MSRA: variants seen among roughly 807,000 people sequenced by gnomAD.
MSRA encodes the protein mitochondrial peptide methionine sulfoxide reductase.
In MSRA, 54 loss-of-function variants were observed where a neutral mutation model predicts 31.3. That is an observed-to-expected ratio of 1.73 (90% CI 1.39 to 2.17). MSRA has a LOEUF of 2.17. Ranked by LOEUF, MSRA falls within the 30% of genes most tolerant of loss-of-function variation. The pLI is 0.00. For missense variants in MSRA, 507 were observed against 300.9 expected (o/e 1.69, Z -5.07); for synonymous variants, 169 against 116.5 (o/e 1.45, Z -2.90).
intron 3 of MSRA, among the ~76,000 whole-genome samples, chr8:10,266,019 G>A (rs890485995): frequency 6.6e-6 from 1 of 152,216 alleles, no homozygotes. Flanking sequence ...GTTGTTTTCA[G>A]TTTGGGGCTG....
chr8:10,333,695 C>T (rs1206681655), intron 5 of MSRA, among the ~76,000 whole-genome samples: 1 of 152,078 alleles, frequency 6.6e-6, no homozygotes, highest in African/African-American at 2.4e-5. Flanking sequence ...TTTTCAGCTC[C>T]CCATCCCCCA....
chr8:10,094,601 A>C (rs891070993), intron 1 of MSRA, among the ~76,000 whole-genome samples: 4 of 152,210 alleles, frequency 2.6e-5, no homozygotes, highest in Admixed American at 6.5e-5. Context: ...TGGCAGAATC[A>C]AGGACTAGAA....
At chr8:10,122,713 T>C (rs893158839) in intron 1 of MSRA, among the ~76,000 whole-genome samples, 1 of 152,062 alleles carries the variant, frequency 6.6e-6, no homozygotes, top group African/African-American at 2.4e-5. Flanking sequence ...GAGGCCCCAG[T>C]GTCTTTTGTT....
intron 5 of MSRA, among the ~76,000 whole-genome samples, chr8:10,364,529 G>A (rs1219264142): frequency 1.3e-5 from 2 of 152,260 alleles, no homozygotes; most frequent in South Asian, 2.1e-4. Context: ...AGAATTTGGA[G>A]GAAATGAAAA....
chr8:10,413,711 TA>T (rs1808295317), intron 5 of MSRA, among the ~76,000 whole-genome samples: 1 of 151,134 alleles, frequency 6.6e-6, no homozygotes, highest in Non-Finnish European at 1.5e-5. Context: ...AATAACTTTT[TA>T]AAAAATCGCC....
intron 1 of MSRA, among the ~76,000 whole-genome samples, chr8:10,080,014 A>G (rs1200210002): frequency 6.6e-6 from 1 of 152,166 alleles, no homozygotes; most frequent in Non-Finnish European, 1.5e-5. Context: ...TCCCGTCAAA[A>G]TTAATCTCCT....
At chr8:10,117,780 T>A (rs1362527860) in intron 1 of MSRA, among the ~76,000 whole-genome samples, 1 of 152,204 alleles carries the variant, frequency 6.6e-6, no homozygotes, top group African/African-American at 2.4e-5. Flanking sequence ...CTCTGTTTCC[T>A]TTGATGAACC....
At chr8:10,182,847 G>A (rs985449154) in intron 1 of MSRA, among the ~76,000 whole-genome samples, 2 of 152,118 alleles carry the variant, frequency 1.3e-5, no homozygotes, top group East Asian at 1.9e-4. Flanking sequence ...TCACATAAGC[G>A]GCTGTCCTCA....
chr8:10,289,550 G>A (rs1011277310), intron 3 of MSRA, among the ~76,000 whole-genome samples: 1 of 152,152 alleles, frequency 6.6e-6, no homozygotes, highest in Non-Finnish European at 1.5e-5. Context: ...ATTTTGAAAT[G>A]TACAGTTAAA....
chr8:10,148,179 T>C (rs955855619), intron 1 of MSRA, among the ~76,000 whole-genome samples: 2 of 152,222 alleles, frequency 1.3e-5, no homozygotes, highest in African/African-American at 4.8e-5. Context: ...ATTCTATTTC[T>C]GGAAACGCAA....
intron 5 of MSRA, among the ~76,000 whole-genome samples, chr8:10,348,021 T>C (rs1280282847): frequency 1.3e-5 from 2 of 152,224 alleles, no homozygotes; most frequent in African/African-American, 2.4e-5. Flanking sequence ...ACATGGTAAA[T>C]ATCTGTTGAG....
chr8:10,077,479 CTTTTTTTTTTT>C (rs10714477), intron 1 of MSRA, among the ~76,000 whole-genome samples: 3 of 101,240 alleles, frequency 3.0e-5, no homozygotes, highest in African/African-American at 7.3e-5. Flanking sequence ...CTACCTTCTC[CTTTTTTTTTTT>C]TTTTTTTTTT....
At chr8:10,210,797 G>T (rs933631436) in intron 2 of MSRA, among the ~76,000 whole-genome samples, 1 of 150,800 alleles carries the variant, frequency 6.6e-6, no homozygotes, top group East Asian at 1.9e-4. Flanking sequence ...GCACTGGCAC[G>T]ATCTGAGCTC....
chr8:10,373,482 C>T (rs571286268), intron 5 of MSRA, among the ~76,000 whole-genome samples: 1 of 152,382 alleles, frequency 6.6e-6, no homozygotes, highest in South Asian at 2.1e-4. Flanking sequence ...CTTGATCCTC[C>T]TGCCTTGGCC....
intron 3 of MSRA, among the ~76,000 whole-genome samples, chr8:10,259,983 C>A (rs560104663): frequency 6.6e-6 from 1 of 152,370 alleles, no homozygotes; most frequent in Non-Finnish European, 1.5e-5. Flanking sequence ...AACACAGACG[C>A]TCCAGAGAAG....
intron 1 of MSRA, among the ~76,000 whole-genome samples, chr8:10,159,711 T>A (rs1804476385): frequency 6.6e-6 from 1 of 152,210 alleles, no homozygotes; most frequent in African/African-American, 2.4e-5. Flanking sequence ...AGAATTTGAT[T>A]GGCATTATCT....
intron 5 of MSRA, among the ~76,000 whole-genome samples, chr8:10,335,085 G>A (rs1364866510): frequency 5.9e-5 from 9 of 152,166 alleles, no homozygotes; most frequent in African/African-American, 2.2e-4. Context: ...CGGGCCGGGC[G>A]CAGGGACCGC....
intron 1 of MSRA, among the ~76,000 whole-genome samples, chr8:10,069,855 A>T (rs1006992396): frequency 6.6e-6 from 1 of 152,106 alleles, no homozygotes; most frequent in Non-Finnish European, 1.5e-5. Flanking sequence ...GAGAGTTAAT[A>T]TGTTCTTTTT....
intron 1 of MSRA, among the ~76,000 whole-genome samples, chr8:10,109,665 G>A (rs1248274720): frequency 6.6e-6 from 1 of 152,164 alleles, no homozygotes; most frequent in African/African-American, 2.4e-5. Flanking sequence ...TGTATTTTTA[G>A]CATTGGAATT....
Sources: allele counts gnomAD v4.1 joint callset (sites outside exome capture counted in the v4.1 genomes callset), GRCh38; gene constraint gnomAD v4.1.1; transcripts MANE v1.5; gene names NCBI Gene and HGNC (gene_info 2026-07-23, HGNC 2026-07-21).